NR6A1: variants seen among roughly 807,000 people sequenced by gnomAD.
NR6A1 encodes retinoic acid receptor-related testis-associated receptor.
A neutral mutation model predicts 59.1 loss-of-function variants in NR6A1; 7 were observed. The ratio of observed to expected loss-of-function variants is 0.12; its 90% CI spans 0.07 to 0.22. The LOEUF is 0.22. NR6A1 is among the 10% of genes least tolerant of loss of function. The pLI is 1.00. For missense variants in NR6A1, 468 were observed against 611.6 expected, an observed-to-expected ratio of 0.77 and a Z score of 2.48; for synonymous variants, 243 against 236.1, an observed-to-expected ratio of 1.03 and a Z score of -0.27.
intron 2 of NR6A1, among the ~76,000 whole-genome samples, chr9:124,590,449 A>T (rs12685935): frequency 0.038 from 5,828 of 152,210 alleles, 325 homozygotes; most frequent in African/African-American, 0.12. Flanking sequence ...CACTCTCAAA[A>T]GCTCCACTTT....
At chr9:124,740,543 C>G (rs770683358) in intron 1 of NR6A1, among the ~76,000 whole-genome samples, 47 of 152,156 alleles carry the variant, frequency 3.1e-4, no homozygotes, top group Non-Finnish European at 6.2e-4. Flanking sequence ...CTGACGAATT[C>G]TGTGTGACTC....
intron 5 of NR6A1, 60 bp from the exon 6 acceptor site, chr9:124,538,379 A>G: frequency 1.5e-6 from 2 of 1,338,064 alleles, no homozygotes; most frequent in Non-Finnish European, 2.1e-6. Context: ...TACTCAAAGG[A>G]AGTGAGCCAG....
At chr9:124,681,181 GC>G (rs1350684403) in intron 2 of NR6A1, among the ~76,000 whole-genome samples, 1 of 152,096 alleles carries the variant, frequency 6.6e-6, no homozygotes, top group Non-Finnish European at 1.5e-5. Flanking sequence ...AGCTGAACTA[GC>G]CCATTTTTTT....
intron 1 of NR6A1, among the ~76,000 whole-genome samples, chr9:124,749,785 G>A (rs1450784879): frequency 6.6e-6 from 1 of 152,078 alleles, no homozygotes; most frequent in African/African-American, 2.4e-5. Flanking sequence ...CTTACATAAC[G>A]CATGTTTCTT....
chr9:124,570,722 T>C (rs1834414320), intron 2 of NR6A1, among the ~76,000 whole-genome samples: 1 of 134,946 alleles, frequency 7.4e-6, no homozygotes, highest in Admixed American at 8.4e-5. Flanking sequence ...GGATTCCTTG[T>C]TTACTTGGTG....
At position 124,595,717 on chromosome 9, in the gene NR6A1, C is replaced by T. The variant is rs1416327910; in HGVS notation, c.143-41147G>A. The stretch of plus-strand genomic sequence containing the variant: ...CTAAACCTTCAAAGAAAATTTCTAA[C>T]CCTTAGATTTGGGCCCCAGACTGTT... On this transcript the variant is annotated intron_variant, in intron 2 of 9. Coordinates refer to ENST00000487099, the MANE Select transcript of NR6A1 (RefSeq NM_033334.4). 3 of 1,157,036 alleles carry T rather than the reference C, an allele frequency of 2.6e-6. No individual in the cohort carries two copies. The East Asian group carries it at 1.7e-4, about 67-fold the overall frequency. 71.7% of individuals were successfully genotyped at this position (1,157,036 alleles called of 1,614,324 possible). A position where few individuals can be genotyped will look rare whatever the true frequency, so the allele number is the denominator to read the frequency against.
intron 8 of NR6A1, among the ~76,000 whole-genome samples, chr9:124,525,490 G>A (rs1357612108): frequency 2.6e-5 from 4 of 152,044 alleles, no homozygotes; most frequent in Non-Finnish European, 5.9e-5. Flanking sequence ...GAGAAGCTAG[G>A]ACTACAGGGT....
intron 2 of NR6A1, among the ~76,000 whole-genome samples, chr9:124,591,982 T>C (rs1434153048): frequency 6.6e-6 from 1 of 152,150 alleles, no homozygotes; most frequent in African/African-American, 2.4e-5. Flanking sequence ...AATAGATTAA[T>C]TTCCTCGGCT....
intron 2 of NR6A1, among the ~76,000 whole-genome samples, chr9:124,598,162 TTAAC>T (rs1835331444): frequency 6.6e-6 from 1 of 152,092 alleles, no homozygotes; most frequent in Non-Finnish European, 1.5e-5. Flanking sequence ...ACACTAATTT[TTAAC>T]TACGCCTCCA....
rs543254882 is a variant in NR6A1 at position 124,710,529 on chromosome 9, A to T, written c.142+22779T>A. On this transcript the variant is annotated intron_variant, in intron 2 of 9. Transcript: ENST00000487099. ...CAGCCTAAGGCTATTTTTCTACCTT[A>T]TCCTCCTCCTTCCCAACCTCTTAGC... Among the ~76,000 whole-genome samples, 21 of 152,282 alleles carry T rather than the reference A, an allele frequency of 1.4e-4. No individual in the cohort carries two copies. In the East Asian group the frequency reaches 3.9e-3, roughly 28 times the overall value.
intron 1 of NR6A1, among the ~76,000 whole-genome samples, chr9:124,739,802 G>C (rs979595542): frequency 1.3e-5 from 2 of 152,194 alleles, no homozygotes; most frequent in African/African-American, 4.8e-5. Flanking sequence ...ATTAAGGTGT[G>C]AAACACTAGC....
At chr9:124,737,957 T>C (rs1840061403) in intron 1 of NR6A1, among the ~76,000 whole-genome samples, 1 of 152,044 alleles carries the variant, frequency 6.6e-6, no homozygotes, top group Non-Finnish European at 1.5e-5. Flanking sequence ...CCATCTCTAC[T>C]AGAAATACAA....
chr9:124,672,782 T>C (rs1050469100), intron 2 of NR6A1, among the ~76,000 whole-genome samples: 9 of 152,128 alleles, frequency 5.9e-5, no homozygotes, highest in Non-Finnish European at 1.3e-4. Context: ...TATATCCTTT[T>C]TTAAAATTTC....
At chr9:124,630,670 C>CTTTTTTTTTTTTTTTTTT (rs71372980) in intron 2 of NR6A1, among the ~76,000 whole-genome samples, 1 of 59,504 alleles carries the variant, frequency 1.7e-5, no homozygotes, top group African/African-American at 7.2e-5. Context: ...TACTACATTT[C>CTTTTTTTTTTTTTTTTTT]TTTTTTTTTT....
chr9:124,643,788 GA>G (rs1836844429), intron 2 of NR6A1, among the ~76,000 whole-genome samples: 1 of 149,844 alleles, frequency 6.7e-6, no homozygotes, highest in Non-Finnish European at 1.5e-5. Flanking sequence ...GAGAGAGAGA[GA>G]AAGGGTACTC....
At chr9:124,653,601 T>C (rs540615875) in intron 2 of NR6A1, among the ~76,000 whole-genome samples, 1 of 152,118 alleles carries the variant, frequency 6.6e-6, no homozygotes, top group Admixed American at 6.5e-5. Context: ...GATATGGGGG[T>C]CTTACTATGT....
At chr9:124,552,572 G>C (rs1272593904) in intron 3 of NR6A1, among the ~76,000 whole-genome samples, 1 of 152,160 alleles carries the variant, frequency 6.6e-6, no homozygotes, top group Non-Finnish European at 1.5e-5. Context: ...GCAGTACATT[G>C]TCCGTGTCCG....
chr9:124,677,281 C>G (rs894045793), intron 2 of NR6A1, among the ~76,000 whole-genome samples: 2 of 152,118 alleles, frequency 1.3e-5, no homozygotes, highest in Admixed American at 6.6e-5. Flanking sequence ...CTTCTGGAGA[C>G]AGAGTCTCAC....
At chr9:124,700,016 C>T (rs1838886527) in intron 2 of NR6A1, among the ~76,000 whole-genome samples, 3 of 152,072 alleles carry the variant, frequency 2.0e-5, no homozygotes, top group Admixed American at 2.0e-4. Flanking sequence ...GCCACCACAC[C>T]CGCCTTTTTT....
Sources: allele counts gnomAD v4.1 joint callset (sites outside exome capture counted in the v4.1 genomes callset), GRCh38; gene constraint gnomAD v4.1.1; transcripts MANE v1.5; gene names NCBI Gene and HGNC (gene_info 2026-07-23, HGNC 2026-07-21).